POLN: variants seen among roughly 807,000 people sequenced by gnomAD.
POLN encodes DNA polymerase nu, also known as DNA polymerase N.
A neutral mutation model predicts 113.5 loss-of-function variants in POLN; 108 were observed. The observed-to-expected ratio is 0.95, with a 90% CI of 0.81 to 1.12. The LOEUF (loss-of-function observed/expected upper bound fraction) is 1.12. Among genes scored for constraint, POLN ranks in the 50% most tolerant of loss-of-function variants. POLN has a pLI of 0.00. For synonymous variants in POLN, 386 were observed against 391.5 expected (o/e 0.99, Z 0.17); for missense variants, 1,097 against 1,077.1 (o/e 1.02, Z -0.26).
chr4:2,214,829 C>T (rs1261280543), intron 3 of POLN, among the ~76,000 whole-genome samples: 2 of 151,526 alleles, frequency 1.3e-5, no homozygotes, highest in Non-Finnish European at 2.9e-5. Context: ...AAATTTTGAC[C>T]TAAACTAAAC....
chr4:2,208,528 A>ATC (rs772217194), intron 4 of POLN, 41 bp from the exon 5 acceptor site: 19 of 1,416,600 alleles, frequency 1.3e-5, no homozygotes, highest in Non-Finnish European at 1.7e-5. Context: ...ATATGGACTC[A>ATC]TAAGACAGAT....
At chr4:2,149,506 T>C (rs1732235350) in intron 16 of POLN, among the ~76,000 whole-genome samples, 1 of 152,102 alleles carries the variant, frequency 6.6e-6, no homozygotes, top group South Asian at 2.1e-4. Flanking sequence ...AATGAGGGCA[T>C]TGGAAACAGT....
Position 2,127,835 on chromosome 4 carries a change from C to T in POLN, c.1982+278G>A, listed in dbSNP as rs983652436. On this transcript the variant is annotated intron_variant, in intron 19 of 25. Transcript: ENST00000511885. This position sits in a 1 kb window ranked among gnomAD's most constrained non-coding sequence, Gnocchi z 4.7. ...GCGGGCTCGCTCTTTCCGTGGTGCT[C>T]GCCTGCAGGGCGCGGGACTCGCTGG... Among the ~76,000 whole-genome samples, 6 of 152,240 alleles carry T rather than the reference C, an allele frequency of 3.9e-5. No homozygotes were observed. The highest frequency in any genetic ancestry group is 2.1e-4 in the South Asian group (1 of 4,834).
chr4:2,183,514 CCAA>C (rs1456975402), intron 7 of POLN, among the ~76,000 whole-genome samples: 2 of 152,202 alleles, frequency 1.3e-5, no homozygotes, highest in Non-Finnish European at 2.9e-5. Context: ...AGGTTAAAAA[CCAA>C]CAACAACAAA....
intron 13 of POLN, among the ~76,000 whole-genome samples, chr4:2,168,895 C>T (rs868373270): frequency 6.6e-6 from 1 of 152,222 alleles, no homozygotes; most frequent in African/African-American, 2.4e-5. Flanking sequence ...TCTGCACAAC[C>T]TACATTCTAA....
At chr4:2,107,857 A>T (rs1488735917) in intron 19 of POLN, among the ~76,000 whole-genome samples, 2 of 152,316 alleles carry the variant, frequency 1.3e-5, no homozygotes, top group Admixed American at 6.5e-5. Flanking sequence ...TACAATGACC[A>T]TAACAGCCAC....
rs1731589354 is a variant in POLN at position 2,126,659 on chromosome 4, G to A, written c.1982+1454C>T. ...CCAGAGAGGAGCGGCGCCGTGCCCA[G>A]CATCAGGGGAGGGTGGTCAGGGGAG... On this transcript the variant is annotated intron_variant, in intron 19 of 25. Transcript: ENST00000511885. This position sits in a 1 kb window ranked among gnomAD's most constrained non-coding sequence, Gnocchi z 4.6. 6.6e-6 allele frequency among the ~76,000 whole-genome samples: 1 copy of A among 152,152 alleles called. No individual in the cohort carries two copies.
chr4:2,073,050 G>T, intron 24 of POLN, 21 bp from the exon 25 acceptor site: 1 of 1,612,062 alleles, frequency 6.2e-7, no homozygotes, highest in Non-Finnish European at 8.5e-7. Flanking sequence ...GAAGAGAGAG[G>T]AGGCCCTGCT....
At chr4:2,096,814 G>C (rs1428317372) in intron 19 of POLN, among the ~76,000 whole-genome samples, 1 of 151,814 alleles carries the variant, frequency 6.6e-6, no homozygotes, top group Non-Finnish European at 1.5e-5. Context: ...CTCCTTCATT[G>C]CTTAGCCAGG....
At chr4:2,177,253 G>A in intron 8 of POLN, 1 of 470,018 alleles carries the variant, frequency 2.1e-6, no homozygotes, top group Non-Finnish European at 4.3e-6. Flanking sequence ...AGCTGCACGA[G>A]GAGCCCCTAA....
At chr4:2,165,988 G>A (rs1311641537) in intron 13 of POLN, among the ~76,000 whole-genome samples, 1 of 151,992 alleles carries the variant, frequency 6.6e-6, no homozygotes, top group Non-Finnish European at 1.5e-5. Context: ...TGTTGCCCAG[G>A]CTGGTCTTGA....
At chr4:2,197,667 C>A (rs976230658) in intron 6 of POLN, among the ~76,000 whole-genome samples, 1 of 152,158 alleles carries the variant, frequency 6.6e-6, no homozygotes, top group Non-Finnish European at 1.5e-5. Context: ...GAGAAAATTA[C>A]ATAAAAAGAA....
At chr4:2,223,333 G>A (rs1303420644) in intron 3 of POLN, among the ~76,000 whole-genome samples, 1 of 152,176 alleles carries the variant, frequency 6.6e-6, no homozygotes, top group Non-Finnish European at 1.5e-5. Flanking sequence ...GCAGGTGAGT[G>A]AGCATTCCCA....
At chr4:2,230,590 A>C (rs1390780733) in intron 2 of POLN, 1 of 152,070 alleles carries the variant, frequency 6.6e-6, no homozygotes, top group Non-Finnish European at 1.5e-5. Flanking sequence ...TAATTGGCAA[A>C]ATATTTTTGT....
intron 10 of POLN, 53 bp from the exon 11 acceptor site, chr4:2,174,072 C>T: frequency 1.3e-6 from 2 of 1,550,004 alleles, no homozygotes; most frequent in Admixed American, 1.7e-5. Flanking sequence ...ATTCTTTTTA[C>T]TAAAGACTAA....
In POLN at chr4:2,176,284, G is replaced by A. The variant is rs1351669517; in HGVS notation, c.1230C>T (p.Asp410=). The A allele has an allele frequency of 6.2e-6, 10 of 1,605,820 alleles. No homozygotes were observed. The highest frequency in any genetic ancestry group is 1.1e-5 in the South Asian group (1 of 89,390). ...GCCTTGCCTTCAGTTTAGAGCAAAG[G>A]TCCATTGTAAGTCTGTAGAGTGTCT... ...NLKTLYRLTM[D]LCSKLKDYGL... Residue 410 remains aspartate, a synonymous_variant, in exon 9 of 26, where the codon GAC becomes GAT. Transcript: ENST00000511885.
chr4:2,205,072 A>G (rs1733811019), intron 5 of POLN, among the ~76,000 whole-genome samples: 1 of 152,210 alleles, frequency 6.6e-6, no homozygotes, highest in Non-Finnish European at 1.5e-5. Context: ...TCAATATAGT[A>G]TTGGAAGTCC....
intron 11 of POLN, 33 bp downstream of exon 11, chr4:2,173,922 G>A: frequency 6.3e-7 from 1 of 1,591,540 alleles, no homozygotes; most frequent in Non-Finnish European, 8.6e-7. Context: ...GGAAAGAGAT[G>A]GCCAGTACAA....
At chr4:2,100,097 AAGAG>A (rs1185829821) in intron 19 of POLN, among the ~76,000 whole-genome samples, 3 of 151,474 alleles carry the variant, frequency 2.0e-5, no homozygotes, top group South Asian at 2.1e-4. Context: ...AAAAAGAAAA[AAGAG>A]AGAGAGAGAT....
Sources: allele counts gnomAD v4.1 joint callset (sites outside exome capture counted in the v4.1 genomes callset), GRCh38; gene constraint gnomAD v4.1.1; non-coding constraint Gnocchi (gnomAD v3.1); transcripts MANE v1.5; gene names NCBI Gene and HGNC (gene_info 2026-07-23, HGNC 2026-07-21).